MOB3B: variants seen among roughly 807,000 people sequenced by gnomAD.
MOB3B encodes MOB kinase activator 3B, also known as MOB kinase activator-like 2B.
Under a neutral mutation model 18.7 loss-of-function variants are expected in MOB3B, and 7 were observed. The ratio of observed to expected loss-of-function variants is 0.37; its 90% CI spans 0.21 to 0.70. The LOEUF is 0.70. MOB3B is among the 30% of genes least tolerant of loss of function. The probability of loss-of-function intolerance (pLI) is 0.52; values close to 1 mark genes in which losing one functional copy is unlikely to be tolerated. For missense variants in MOB3B, 253 were observed against 281.3 expected, an observed-to-expected ratio of 0.90 and a Z score of 0.72; for synonymous variants, 111 against 99.9, an observed-to-expected ratio of 1.11 and a Z score of -0.66.
At chr9:27,403,516 A>ATTTTTTTTTTTTTTTT (rs74178385) in intron 2 of MOB3B, among the ~76,000 whole-genome samples, 1 of 79,630 alleles carries the variant, frequency 1.3e-5, no homozygotes, top group Non-Finnish European at 2.4e-5. Flanking sequence ...CTCTTTACTA[A>ATTTTTTTTTTTTTTTT]TTTTTTTTTT....
At chr9:27,500,716 A>C (rs1472029925) in intron 1 of MOB3B, among the ~76,000 whole-genome samples, 2 of 152,230 alleles carry the variant, frequency 1.3e-5, no homozygotes, top group African/African-American at 2.4e-5. Flanking sequence ...AAACACCAAA[A>C]GCAATGGCAA....
chr9:27,365,250 T>C (rs1563850922), intron 2 of MOB3B, among the ~76,000 whole-genome samples: 2 of 150,990 alleles, frequency 1.3e-5, no homozygotes, highest in South Asian at 2.1e-4. Flanking sequence ...AGGCTGCATG[T>C]TGCTTTTGGG....
In MOB3B at chr9:27,365,162, C is replaced by CAAAAAAA. The variant is rs61043046; in HGVS notation, c.419-5933_419-5927dup. On this transcript the variant is annotated intron_variant, in intron 2 of 3. Transcript: ENST00000262244. ...TCCATCATCTCCTGTTTGGGGGAGG[C>CAAAAAAA]AAAAAAAAAAAAAGAAAACCCACAG... is the stretch of plus-strand genomic sequence containing the variant. 1.1e-3 allele frequency among the ~76,000 whole-genome samples: 123 copies of CAAAAAAA among 109,782 alleles called. 5 individuals carry two copies. Among genetic ancestry groups the CAAAAAAA allele is most frequent in the African/African-American group, 2.3e-3 (66 of 28,424 alleles). The allele number at this position is 109,782 out of a possible 152,430, so 72.0% of individuals were successfully genotyped here.
chr9:27,483,343 A>C (rs546599172), intron 1 of MOB3B, among the ~76,000 whole-genome samples: 1 of 152,088 alleles, frequency 6.6e-6, no homozygotes, highest in South Asian at 2.1e-4. Flanking sequence ...CGTGTTAGCC[A>C]GAATGATCTT....
At chr9:27,368,205 A>C (rs1393697252) in intron 2 of MOB3B, among the ~76,000 whole-genome samples, 1 of 152,104 alleles carries the variant, frequency 6.6e-6, no homozygotes. Context: ...AAACAAAACA[A>C]AACACATGAA....
intron 2 of MOB3B, among the ~76,000 whole-genome samples, chr9:27,421,923 C>T (rs1260497432): frequency 6.6e-6 from 1 of 152,152 alleles, no homozygotes; most frequent in African/African-American, 2.4e-5. Context: ...CACCACCTGA[C>T]ATCTATATCT....
At chr9:27,473,366 C>T (rs1254124047) in intron 1 of MOB3B, among the ~76,000 whole-genome samples, 3 of 152,120 alleles carry the variant, frequency 2.0e-5, no homozygotes, top group African/African-American at 7.2e-5. Flanking sequence ...AGAGGAGTCA[C>T]TCCCTGTTTG....
chr9:27,464,829 C>G (rs559885998), intron 1 of MOB3B, among the ~76,000 whole-genome samples: 8 of 152,050 alleles, frequency 5.3e-5, no homozygotes, highest in Non-Finnish European at 1.0e-4. Flanking sequence ...CCTGATAAAC[C>G]CATCAGATCT....
intron 1 of MOB3B, among the ~76,000 whole-genome samples, chr9:27,472,356 A>G (rs1819485190): frequency 6.6e-6 from 1 of 152,080 alleles, no homozygotes; most frequent in Admixed American, 6.5e-5. Context: ...TCCTCAAGCA[A>G]AGCCATGGAA....
intron 2 of MOB3B, among the ~76,000 whole-genome samples, chr9:27,372,031 CA>C (rs1475473864): frequency 6.6e-6 from 1 of 152,100 alleles, no homozygotes; most frequent in Non-Finnish European, 1.5e-5. Context: ...GAAAGAAAAA[CA>C]CTCTCGTAGC....
chr9:27,347,980 C>G (rs1453968957), intron 3 of MOB3B, among the ~76,000 whole-genome samples: 1 of 152,180 alleles, frequency 6.6e-6, no homozygotes. Flanking sequence ...AATGTATTCC[C>G]ATCATTATGT....
chr9:27,412,123 G>A (rs1822076853), intron 2 of MOB3B, among the ~76,000 whole-genome samples: 1 of 151,390 alleles, frequency 6.6e-6, no homozygotes, highest in African/African-American at 2.4e-5. Flanking sequence ...ATGGGGCAAA[G>A]GTGATCAAAA....
chr9:27,414,325 A>G (rs1397408857), intron 2 of MOB3B, among the ~76,000 whole-genome samples: 1 of 152,172 alleles, frequency 6.6e-6, no homozygotes, highest in Non-Finnish European at 1.5e-5. Flanking sequence ...CCATCTGTCT[A>G]AAGCCACAAG....
chr9:27,371,167 T>C (rs560427266), intron 2 of MOB3B, among the ~76,000 whole-genome samples: 1 of 152,294 alleles, frequency 6.6e-6, no homozygotes, highest in South Asian at 2.1e-4. Flanking sequence ...GGTTGGCAAA[T>C]CATGCTGAGA....
intron 2 of MOB3B, among the ~76,000 whole-genome samples, chr9:27,428,356 C>T (rs1250493239): frequency 6.6e-6 from 1 of 152,166 alleles, no homozygotes; most frequent in African/African-American, 2.4e-5. Flanking sequence ...TTAACAATTT[C>T]CCAGGTAATG....
In MOB3B at chr9:27,327,247, A is replaced by G. The variant is rs1341764813; in HGVS notation, c.*3340T>C. On this transcript the variant is annotated 3_prime_UTR_variant, in exon 4 of 4. Transcript: ENST00000262244. ...TGAATGTACGTATGCACAGCCTCAC[A>G]CTCTATAAATGTATGTGTCCTGAAT... The G allele has an allele frequency of 1.3e-5, 2 of 152,138 alleles. No homozygotes were observed. The highest frequency in any genetic ancestry group is 1.9e-4 in the East Asian group (1 of 5,188). 9.4% of individuals were successfully genotyped at this position (152,138 alleles called of 1,614,324 possible).
intron 2 of MOB3B, chr9:27,378,707 A>G (rs1821528652): frequency 2.1e-6 from 1 of 470,940 alleles, no homozygotes; most frequent in Non-Finnish European, 4.4e-6. Context: ...ATCTTTGAGT[A>G]TTGCATGTGC....
At chr9:27,345,714 G>C (rs1821022909) in intron 3 of MOB3B, among the ~76,000 whole-genome samples, 1 of 152,328 alleles carries the variant, frequency 6.6e-6, no homozygotes, top group Non-Finnish European at 1.5e-5. Flanking sequence ...GCAGCACCTA[G>C]GATTGGCTCC....
chr9:27,514,077 C>A (rs1218151350), intron 1 of MOB3B, among the ~76,000 whole-genome samples: 1 of 152,120 alleles, frequency 6.6e-6, no homozygotes, highest in South Asian at 2.1e-4. Flanking sequence ...CCCAGTTTCT[C>A]CTGAAGTACA....
Sources: allele counts gnomAD v4.1 joint callset (sites outside exome capture counted in the v4.1 genomes callset), GRCh38; gene constraint gnomAD v4.1.1; transcripts MANE v1.5; gene names NCBI Gene and HGNC (gene_info 2026-07-23, HGNC 2026-07-21).